The following TMTC4 variants were observed in gnomAD, a reference collection of about 807,000 sequenced individuals.
TMTC4 encodes the protein transmembrane O-mannosyltransferase targeting cadherins 4, also known as protein O-mannosyl-transferase TMTC4.
TMTC4 carries 65 observed loss-of-function variants against 86.0 expected under a neutral mutation model. The ratio of observed to expected loss-of-function variants is 0.76; its 90% CI spans 0.62 to 0.93. The LOEUF (loss-of-function observed/expected upper bound fraction) is 0.93. TMTC4 is among the 40% of genes least tolerant of loss of function. TMTC4 has a pLI of 0.00. For synonymous variants in TMTC4, 379 were observed against 382.5 expected (o/e 0.99, Z 0.11); for missense variants, 866 against 948.1 (o/e 0.91, Z 1.14).
At chr13:100,617,567 C>T (rs566015512) in intron 15 of TMTC4, among the ~76,000 whole-genome samples, 2 of 152,264 alleles carry the variant, frequency 1.3e-5, no homozygotes, top group South Asian at 2.1e-4. Context: ...TATCCCAGCA[C>T]GATTTATTGC....
chr13:100,673,024 G>C (rs915840976), intron 1 of TMTC4, among the ~76,000 whole-genome samples: 1 of 152,206 alleles, frequency 6.6e-6, no homozygotes, highest in African/African-American at 2.4e-5. Context: ...GAGGAATGAA[G>C]TCAGTGTTCT....
chr13:100,658,674 T>C (rs1161954107), intron 5 of TMTC4, among the ~76,000 whole-genome samples: 1 of 151,756 alleles, frequency 6.6e-6, no homozygotes, highest in South Asian at 2.1e-4. Context: ...TAGTGTAGAT[T>C]TGAAGAATCA....
At chr13:100,667,045 C>T (rs1194059246) in intron 3 of TMTC4, among the ~76,000 whole-genome samples, 1 of 152,130 alleles carries the variant, frequency 6.6e-6, no homozygotes, top group Non-Finnish European at 1.5e-5. Flanking sequence ...TTACTTAGTT[C>T]TTTTAAGCAT....
At chr13:100,649,056 A>G (rs996552973) in intron 6 of TMTC4, among the ~76,000 whole-genome samples, 3 of 152,164 alleles carry the variant, frequency 2.0e-5, no homozygotes, top group African/African-American at 7.2e-5. Flanking sequence ...CCAGAATCTA[A>G]ACTGGAAAGC....
chr13:100,617,252 G>A (rs1878650298), intron 15 of TMTC4, among the ~76,000 whole-genome samples: 1 of 152,040 alleles, frequency 6.6e-6, no homozygotes, highest in Non-Finnish European at 1.5e-5. Flanking sequence ...CTCCCACCTT[G>A]GTCTCCCAGG....
chr13:100,604,873 T>G lies in TMTC4; in HGVS notation c.*121A>C. On this transcript the variant is annotated 3_prime_UTR_variant, in exon 19 of 19. Coordinates refer to ENST00000342624, the MANE Select transcript of TMTC4 (RefSeq NM_032813.5). ...ATCTTTTTGCATGTCTTTGTTTTCA[T>G]AGAAAAAAATCAGTAAAATAACATG... 8.5e-7 allele frequency: 1 copy of G among 1,175,966 alleles called. No individual in the cohort carries two copies. The highest frequency in any genetic ancestry group is 2.5e-5 in the South Asian group (1 of 40,508). The allele number at this position is 1,175,966 out of a possible 1,614,324, so 72.8% of individuals were successfully genotyped here. A position where few individuals can be genotyped will look rare whatever the true frequency, so the allele number is the denominator to read the frequency against.
At chr13:100,670,212 T>C in intron 2 of TMTC4, 148 bp downstream of exon 2, 1 of 762,420 alleles carries the variant, frequency 1.3e-6, no homozygotes, top group East Asian at 3.2e-5. Context: ...AGTTTGGATG[T>C]ATTTGTTTCT....
intron 17 of TMTC4, among the ~76,000 whole-genome samples, chr13:100,608,672 T>TG (rs1196697379): frequency 1.3e-5 from 2 of 152,156 alleles, no homozygotes; most frequent in Non-Finnish European, 2.9e-5. Flanking sequence ...AGCCTTCTAA[T>TG]GGCCTCATTC....
At chr13:100,648,238 A>G (rs1210780223) in intron 6 of TMTC4, among the ~76,000 whole-genome samples, 2 of 152,194 alleles carry the variant, frequency 1.3e-5, no homozygotes, top group Non-Finnish European at 2.9e-5. Context: ...GAAAGTAATC[A>G]TTACAGCTAA....
chr13:100,670,194 G>T, intron 2 of TMTC4, 166 bp downstream of exon 2: 1 of 634,252 alleles, frequency 1.6e-6, no homozygotes, highest in Non-Finnish European at 2.5e-6. Context: ...CCCCCTGATT[G>T]GGAAGGCAGT....
At chr13:100,613,322 T>G (rs149318271) in intron 16 of TMTC4, among the ~76,000 whole-genome samples, 66 of 152,308 alleles carry the variant, frequency 4.3e-4, no homozygotes, top group African/African-American at 1.5e-3. Flanking sequence ...AGTGAGAGCA[T>G]GTGATATTTG....
At chr13:100,619,459 T>TAA (rs1277411882) in intron 15 of TMTC4, among the ~76,000 whole-genome samples, 1 of 152,180 alleles carries the variant, frequency 6.6e-6, no homozygotes, top group Admixed American at 6.5e-5. Context: ...TTGATCCCTT[T>TAA]AACTCTGCAA....
At chr13:100,673,807 T>G (rs1227331061) in intron 1 of TMTC4, among the ~76,000 whole-genome samples, 5 of 152,196 alleles carry the variant, frequency 3.3e-5, no homozygotes, top group Admixed American at 6.5e-5. Flanking sequence ...TGGCCGTGAT[T>G]TTACCCCACT....
At chr13:100,674,363 C>A in intron 1 of TMTC4, 3 of 974,614 alleles carry the variant, frequency 3.1e-6, no homozygotes, top group Non-Finnish European at 3.6e-6. Flanking sequence ...GGCCAGATGG[C>A]CGCTCCGGGG....
At chr13:100,669,023 G>C (rs1414210853) in intron 2 of TMTC4, among the ~76,000 whole-genome samples, 1 of 152,196 alleles carries the variant, frequency 6.6e-6, no homozygotes, top group Non-Finnish European at 1.5e-5. Context: ...GATGCCCTTT[G>C]GTTTCTGATG....
At chr13:100,617,297 G>A (rs2138743463) in intron 15 of TMTC4, among the ~76,000 whole-genome samples, 1 of 152,204 alleles carries the variant, frequency 6.6e-6, no homozygotes, top group East Asian at 1.9e-4. Flanking sequence ...ACGATGCCCA[G>A]CTAATTTTTT....
intron 16 of TMTC4, 49 bp from the exon 17 acceptor site, chr13:100,612,559 C>T: frequency 7.3e-7 from 1 of 1,375,124 alleles, no homozygotes; most frequent in South Asian, 1.2e-5. Flanking sequence ...GTTGTACTCG[C>T]ATTTTAGCTT....
intron 5 of TMTC4, among the ~76,000 whole-genome samples, chr13:100,659,458 G>A (rs1020479522): frequency 1.3e-5 from 2 of 152,032 alleles, no homozygotes; most frequent in Non-Finnish European, 2.9e-5. Context: ...AAGGGGGCCT[G>A]AGCTTCTCTC....
intron 5 of TMTC4, among the ~76,000 whole-genome samples, chr13:100,659,921 C>T (rs535097067): frequency 4.1e-4 from 61 of 147,492 alleles, no homozygotes; most frequent in African/African-American, 1.5e-3. Flanking sequence ...TGGCTGATCA[C>T]CCTAGAAGAC....
Sources: allele counts gnomAD v4.1 joint callset (sites outside exome capture counted in the v4.1 genomes callset), GRCh38; gene constraint gnomAD v4.1.1; transcripts MANE v1.5; gene names NCBI Gene and HGNC (gene_info 2026-07-23, HGNC 2026-07-21).